The following PDZRN3 variants were observed in gnomAD, a reference collection of about 807,000 sequenced individuals.
PDZRN3 encodes E3 ubiquitin-protein ligase PDZRN3.
PDZRN3 carries 38 observed loss-of-function variants against 85.7 expected under a neutral mutation model. That is an observed-to-expected ratio of 0.44 (90% CI 0.34 to 0.58). The LOEUF (loss-of-function observed/expected upper bound fraction) is 0.58. Among genes scored for constraint, PDZRN3 ranks in the 20% least tolerant of loss-of-function variants. The pLI, the probability that PDZRN3 is intolerant of heterozygous loss-of-function variation, is 0.01. For missense variants in PDZRN3, 1,629 were observed against 1,506.4 expected (o/e 1.08, Z -1.35); for synonymous variants, 759 against 638.0 (o/e 1.19, Z -2.86).
At chr3:73,524,680 G>A (rs551849280) in intron 3 of PDZRN3, among the ~76,000 whole-genome samples, 1 of 152,208 alleles carries the variant, frequency 6.6e-6, no homozygotes, top group Admixed American at 6.5e-5. Flanking sequence ...AGAAATCTAT[G>A]TTTAAAAGGC....
At chr3:73,480,218 G>A (rs1285356140) in intron 3 of PDZRN3, among the ~76,000 whole-genome samples, 1 of 152,206 alleles carries the variant, frequency 6.6e-6, no homozygotes, top group African/African-American at 2.4e-5. Flanking sequence ...CCTGGCTGAA[G>A]CCACTGTTGT....
intron 3 of PDZRN3, among the ~76,000 whole-genome samples, chr3:73,563,874 T>C (rs2059264423): frequency 6.6e-6 from 1 of 152,212 alleles, no homozygotes. Context: ...AGCGAGAAGA[T>C]GCAGAGGTAG....
chr3:73,584,772 T>C, intron 3 of PDZRN3, among the ~76,000 whole-genome samples: 1 of 152,180 alleles, frequency 6.6e-6, no homozygotes, highest in East Asian at 1.9e-4. Context: ...AGCAAAATGC[T>C]ACATTAAATG....
chr3:73,385,812 C>G (rs772424866), intron 8 of PDZRN3, 27 bp from the exon 9 acceptor site: 2 of 1,262,608 alleles, frequency 1.6e-6, no homozygotes, highest in Non-Finnish European at 2.3e-6. Flanking sequence ...CCAACACATG[C>G]CTTAGAAGTT....
At chr3:73,594,098 G>T (rs535699408) in intron 3 of PDZRN3, 1 of 151,988 alleles carries the variant, frequency 6.6e-6, no homozygotes, top group African/African-American at 2.4e-5. Context: ...AGTTTTGATA[G>T]GAAAATAAGG....
rs1024018434 is a variant in PDZRN3, at chr3:73,470,412, T to C, written c.919-66017A>G. On this transcript the variant is annotated intron_variant, in intron 3 of 9. Coordinates refer to ENST00000263666, the MANE Select transcript of PDZRN3 (RefSeq NM_015009.3). The stretch of plus-strand genomic sequence containing the variant: ...CATGAAGTCTGTGCTATGTGCTAAG[T>C]ACTTTGTTCATACCAGCTCATTTGA... Among the ~76,000 whole-genome samples the C allele has an allele frequency of 2.0e-5, 3 of 152,192 alleles. No homozygotes were observed. In the East Asian group the frequency reaches 5.8e-4, roughly 29 times the overall value.
chr3:73,386,419 C>A (rs866313093), intron 8 of PDZRN3, among the ~76,000 whole-genome samples: 2 of 151,996 alleles, frequency 1.3e-5, no homozygotes, highest in Middle Eastern at 3.4e-3. Context: ...CTGGCCTCAT[C>A]CTGACCTCAA....
chr3:73,493,499 G>A (rs947679871), intron 3 of PDZRN3, among the ~76,000 whole-genome samples: 4 of 151,996 alleles, frequency 2.6e-5, no homozygotes, highest in East Asian at 1.9e-4. Context: ...TTCACACACC[G>A]CCCCCACCTC....
intron 3 of PDZRN3, chr3:73,561,553 A>C (rs773362299): frequency 6.6e-6 from 1 of 152,232 alleles, no homozygotes; most frequent in Non-Finnish European, 1.5e-5. Context: ...TGGATGCGTC[A>C]GCTCGGAAGT....
intron 3 of PDZRN3, among the ~76,000 whole-genome samples, chr3:73,467,036 G>C (rs1165985543): frequency 6.6e-6 from 1 of 152,132 alleles, no homozygotes; most frequent in Middle Eastern, 3.2e-3. Context: ...CCAGTTTATT[G>C]TCTACAGTCA....
At chr3:73,456,942 A>C (rs976257462) in intron 3 of PDZRN3, among the ~76,000 whole-genome samples, 2 of 152,108 alleles carry the variant, frequency 1.3e-5, no homozygotes, top group African/African-American at 2.4e-5. Context: ...GTAGGGGGAA[A>C]AAAAAAACAC....
intron 3 of PDZRN3, among the ~76,000 whole-genome samples, chr3:73,554,847 A>G (rs998993470): frequency 5.3e-5 from 8 of 152,248 alleles, no homozygotes; most frequent in Non-Finnish European, 1.2e-4. Context: ...CTTTTACATC[A>G]TGCCAAATGG....
At chr3:73,470,774 A>C (rs940045648) in intron 3 of PDZRN3, among the ~76,000 whole-genome samples, 3 of 152,196 alleles carry the variant, frequency 2.0e-5, no homozygotes, top group Non-Finnish European at 4.4e-5. Flanking sequence ...CCAAAGACCC[A>C]CTGTGCCAAT....
intron 3 of PDZRN3, among the ~76,000 whole-genome samples, chr3:73,459,601 G>A (rs933009682): frequency 2.0e-5 from 3 of 152,132 alleles, no homozygotes; most frequent in African/African-American, 7.2e-5. Flanking sequence ...GAGAATGTGT[G>A]GTATTTGGTT....
In PDZRN3 at chr3:73,384,265, G is replaced by T; in HGVS notation, c.2301C>A (p.Thr767=). The part of the protein sequence containing the change: ...AYNTGESCRS[T]PLTLEISPDN... ...CGGGGGAGATCTCCAGGGTGAGCGG[G>T]GTGCTGCGGCAGCTCTCGCCTGTGT... is the stretch of plus-strand genomic sequence containing the variant. The change falls in exon 10 of 10, where the codon ACC becomes ACA. Residue 767 remains threonine (T), a synonymous_variant. Coordinates refer to ENST00000263666, the MANE Select transcript of PDZRN3 (RefSeq NM_015009.3). 6.2e-7 allele frequency: 1 copy of T among 1,613,076 alleles called. No homozygotes were observed. The highest frequency in any genetic ancestry group is 2.2e-5 in the East Asian group (1 of 44,832).
At chr3:73,603,334 C>A (rs1702544238) in intron 2 of PDZRN3, among the ~76,000 whole-genome samples, 1 of 152,220 alleles carries the variant, frequency 6.6e-6, no homozygotes, top group Non-Finnish European at 1.5e-5. Flanking sequence ...ACGAAGACAG[C>A]TCACTGTTCA....
chr3:73,563,011 ATATTTTTTTT>A (rs1390332676), intron 3 of PDZRN3, among the ~76,000 whole-genome samples: 5 of 38,212 alleles, frequency 1.3e-4, no homozygotes, highest in East Asian at 9.3e-4. Context: ...ATATATATAT[ATATTTTTTTT>A]TTTTTTTTTT....
At chr3:73,611,048 G>A (rs1702677953) in intron 1 of PDZRN3, among the ~76,000 whole-genome samples, 1 of 152,148 alleles carries the variant, frequency 6.6e-6, no homozygotes, top group African/African-American at 2.4e-5. Context: ...GTAAAATGTT[G>A]AGCTGGGATT....
chr3:73,446,361 A>G (rs115536181), intron 3 of PDZRN3, among the ~76,000 whole-genome samples: 3,269 of 152,254 alleles, frequency 0.021, 110 homozygotes, highest in African/African-American at 0.074. Context: ...CTAATGACCA[A>G]TCATACCGTG....
Sources: gnomAD v4.1 joint callset for allele counts (sites outside exome capture counted in the v4.1 genomes callset) on GRCh38, gnomAD v4.1.1 for gene constraint, MANE v1.5 for transcripts, NCBI Gene and HGNC (gene_info 2026-07-23, HGNC 2026-07-21) for gene names.